VIL1: variants seen among roughly 807,000 people sequenced by gnomAD.
The protein encoded by VIL1 is villin-1.
Under a neutral mutation model 104.0 loss-of-function variants are expected in VIL1, and 86 were observed. The observed-to-expected ratio is 0.83, with a 90% CI of 0.69 to 0.99. VIL1 has a LOEUF of 0.99. Ranked by LOEUF, VIL1 falls within the 50% of genes least tolerant of loss-of-function variation. The pLI is 0.00. For missense variants in VIL1, 944 were observed against 1,054.1 expected (o/e 0.90, Z 1.45); for synonymous variants, 394 against 412.6 (o/e 0.95, Z 0.55).
intron 19 of VIL1, among the ~76,000 whole-genome samples, chr2:218,442,819 A>T (rs1465425650): frequency 6.6e-6 from 1 of 152,234 alleles, no homozygotes; most frequent in East Asian, 1.9e-4. Context: ...AAGTCTGTTA[A>T]GGGTTTCGGC....
intron 19 of VIL1, among the ~76,000 whole-genome samples, chr2:218,445,212 C>T (rs1689345391): frequency 6.6e-6 from 1 of 152,012 alleles, no homozygotes; most frequent in African/African-American, 2.4e-5. Flanking sequence ...CCAGCCTGGG[C>T]AACAAAGTGA....
chr2:218,450,867 A>C lies in VIL1; in HGVS notation c.*1531A>C, dbSNP rs1003366922. 7 of 152,218 alleles carry C rather than the reference A, an allele frequency of 4.6e-5. No individual in the cohort carries two copies. The highest frequency in any genetic ancestry group is 1.7e-4 in the African/African-American group (7 of 41,462). 9.4% of individuals were successfully genotyped at this position (152,218 alleles called of 1,614,324 possible). A position where few individuals can be genotyped will look rare whatever the true frequency, so the allele number is the denominator to read the frequency against. On this transcript the variant is annotated 3_prime_UTR_variant, in exon 20 of 20. Coordinates refer to ENST00000248444, the MANE Select transcript of VIL1 (RefSeq NM_007127.3). The stretch of plus-strand genomic sequence containing the variant: ...ATATTCAGACTGGCACACTTTTTAA[A>C]TAAAAACTCCATACACCTCAGACAT...
rs1036969373 is a variant in VIL1 at position 218,449,590 on chromosome 2, A to G, written c.*254A>G. 2 of 377,900 alleles carry G rather than the reference A, an allele frequency of 5.3e-6. No homozygotes were observed. The highest frequency in any genetic ancestry group is 5.4e-5 in the East Asian group (1 of 18,420). 23.4% of individuals were successfully genotyped at this position (377,900 alleles called of 1,614,324 possible). On this transcript the variant is annotated 3_prime_UTR_variant, in exon 20 of 20. Transcript: ENST00000248444. ...GTTTCTATCCTGAGGTATTGCATCA[A>G]TTTTAATACTCCTATAGTTTTCTCT...
chr2:218,437,343 C>G (rs767326164), intron 17 of VIL1, 31 bp downstream of exon 17: 2 of 1,605,106 alleles, frequency 1.2e-6, no homozygotes, highest in Non-Finnish European at 1.7e-6. Flanking sequence ...ATGTCCTTCT[C>G]TAGCCCTGCC....
chr2:218,437,320 G>A lies in VIL1; in HGVS notation c.2160+8G>A, dbSNP rs752809740. The A allele has an allele frequency of 3.7e-6, 6 of 1,612,148 alleles. No individual in the cohort carries two copies. Among genetic ancestry groups the A allele is most frequent in the Admixed American group, 3.3e-5 (2 of 59,942 alleles). On this transcript the variant is annotated splice_region_variant and intron_variant, in intron 17 of 19. Transcript: ENST00000248444. ...GATCCCTTCAAGTGGAGTGTGAGTG[G>A]CCTCATCCCAGCATGTCCTTCTCTA...
chr2:218,432,997 G>A, intron 13 of VIL1, 46 bp downstream of exon 13: 1 of 1,610,808 alleles, frequency 6.2e-7, no homozygotes. Context: ...ACTGTGGCAA[G>A]ACAGGCATCC....
chr2:218,440,820 T>C lies in VIL1; in HGVS notation c.2328T>C (p.Pro776=), dbSNP rs759406698. The change falls in exon 19 of 20, where the codon CCT becomes CCC. Residue 776 remains proline, a synonymous_variant. Transcript: ENST00000248444. The part of the protein sequence containing the change: ...IFPLEQLVNK[P]VEELPEGVDP... ...CCCTGGAGCAGCTAGTGAACAAGCC[T>C]GTAGAGGAGCTCCCCGAGGGTGTGG... The C allele has an allele frequency of 6.2e-7, 1 of 1,614,108 alleles. No homozygotes were observed. The highest frequency in any genetic ancestry group is 8.5e-7 in the Non-Finnish European group (1 of 1,180,000).
chr2:218,430,034 G>T, intron 9 of VIL1, 87 bp downstream of exon 9: 4 of 1,220,272 alleles, frequency 3.3e-6, no homozygotes, highest in Middle Eastern at 4.1e-4. Context: ...GGGCAGGCAG[G>T]CTCAGACCAG....
At chr2:218,446,092 A>G (rs1689359902) in intron 19 of VIL1, among the ~76,000 whole-genome samples, 2 of 152,124 alleles carry the variant, frequency 1.3e-5, no homozygotes, top group South Asian at 4.1e-4. Context: ...TGGCCTTCCT[A>G]GTGTCTTCTT....
chr2:218,429,734 G>A, intron 8 of VIL1, 59 bp downstream of exon 8: 1 of 1,609,870 alleles, frequency 6.2e-7, no homozygotes, highest in Non-Finnish European at 8.5e-7. Flanking sequence ...CCCTCAAGCA[G>A]GAAAAATTCC....
chr2:218,425,869 T>C, intron 4 of VIL1, 58 bp downstream of exon 4: 1 of 1,536,032 alleles, frequency 6.5e-7, no homozygotes, highest in Non-Finnish European at 8.8e-7. Context: ...GATAGAGATG[T>C]TGGGGCTGAG....
At chr2:218,431,614 T>C (rs1007836640) in intron 10 of VIL1, among the ~76,000 whole-genome samples, 1 of 152,098 alleles carries the variant, frequency 6.6e-6, no homozygotes, top group Non-Finnish European at 1.5e-5. Context: ...TCAACAAAGC[T>C]AAAGCCTTGC....
chr2:218,425,834 CG>C, intron 4 of VIL1, 23 bp downstream of exon 4: 1 of 1,587,262 alleles, frequency 6.3e-7, no homozygotes, highest in Non-Finnish European at 8.6e-7. Context: ...GGCTGCAGGC[CG>C]GGGGAATGAG....
At position 218,435,367 on chromosome 2, in the gene VIL1, G is replaced by T; in HGVS notation, c.1759G>T (p.Glu587Ter). 1 of 1,614,174 alleles carries T rather than the reference G, an allele frequency of 6.2e-7. No individual in the cohort carries two copies. The highest frequency in any genetic ancestry group is 8.5e-7 in the Non-Finnish European group (1 of 1,180,016). The change falls in exon 15 of 20, where the codon GAA (glutamate) becomes TAA (stop). Residue 587 changes from glutamate (E) to a stop codon, truncating the protein, a stop_gained. Coordinates refer to ENST00000248444, the MANE Select transcript of VIL1 (RefSeq NM_007127.3). LOFTEE classifies it high-confidence loss of function. Reference protein sequence around the residue: ...ISRTEKQVVVEGQEPANFWMA... With the variant: ...ISRTEKQVVV ...CCGGACGGAGAAGCAAGTGGTGGTG[G>T]AAGGGCAGGAGCCAGCCAACTTCTG...
intron 1 of VIL1, 121 bp from the exon 2 acceptor site, chr2:218,423,647 T>G: frequency 3.4e-6 from 3 of 884,380 alleles, no homozygotes; most frequent in Non-Finnish European, 5.4e-6. Flanking sequence ...AGTAACCCTC[T>G]GTGCTCCCCC....
chr2:218,443,396 C>T (rs1258668654), intron 19 of VIL1, among the ~76,000 whole-genome samples: 1 of 151,826 alleles, frequency 6.6e-6, no homozygotes, highest in African/African-American at 2.4e-5. Context: ...CGGGGTTTCA[C>T]CATGTTAGCC....
chr2:218,429,142 C>T, intron 6 of VIL1, 143 bp from the exon 7 acceptor site: 2 of 940,490 alleles, frequency 2.1e-6, no homozygotes, highest in Non-Finnish European at 3.2e-6. Flanking sequence ...AAGCTTGACC[C>T]CTCCGACGGG....
rs183022333 is a variant in VIL1 at position 218,436,929 on chromosome 2, A to G, written c.1972-195A>G. Reference sequence around the variant, plus strand: ...GAGACACACATTTGCAGAATATCCAAGTACAAGGCATCTGTCCAACCTTCT... The same window carrying G: ...GAGACACACATTTGCAGAATATCCAGGTACAAGGCATCTGTCCAACCTTCT... On this transcript the variant is annotated intron_variant, in intron 16 of 19. Coordinates refer to ENST00000248444, the MANE Select transcript of VIL1 (RefSeq NM_007127.3). Among the ~76,000 whole-genome samples the G allele has an allele frequency of 3.3e-5, 5 of 152,322 alleles. No homozygotes were observed. The East Asian group carries it at 9.6e-4, about 29-fold the overall frequency.
At chr2:218,434,762 G>C in intron 14 of VIL1, 57 bp downstream of exon 14, 3 of 1,542,448 alleles carry the variant, frequency 1.9e-6, no homozygotes, top group Admixed American at 2.0e-5. Flanking sequence ...GAGTCCCCCA[G>C]TTTCGCAGCA....
Sources: gnomAD v4.1 joint callset for allele counts (sites outside exome capture counted in the v4.1 genomes callset) on GRCh38, gnomAD v4.1.1 for gene constraint, MANE v1.5 for transcripts, NCBI Gene and HGNC (gene_info 2026-07-23, HGNC 2026-07-21) for gene names.